Variants in ENAH observed in about 807,000 individuals in gnomAD.
The protein encoded by ENAH is ENAH actin regulator.
In ENAH, 23 loss-of-function variants were observed where a neutral mutation model predicts 78.7. The ratio of observed to expected loss-of-function variants is 0.29; its 90% CI spans 0.21 to 0.41. The LOEUF (loss-of-function observed/expected upper bound fraction) is 0.41. ENAH is among the 10% of genes least tolerant of loss of function. ENAH has a pLI of 1.00. For synonymous variants in ENAH, 226 were observed against 241.0 expected, an observed-to-expected ratio of 0.94 and a Z score of 0.58; for missense variants, 544 against 691.0, an observed-to-expected ratio of 0.79 and a Z score of 2.39.
At chr1:225,548,171 T>C (rs1396761672) in intron 3 of ENAH, among the ~76,000 whole-genome samples, 1 of 152,072 alleles carries the variant, frequency 6.6e-6, no homozygotes, top group Admixed American at 6.6e-5. Context: ...CCTACTTTTT[T>C]TTTTTCCTCT....
chr1:225,605,594 T>A (rs930597135), intron 1 of ENAH, among the ~76,000 whole-genome samples: 7 of 152,118 alleles, frequency 4.6e-5, no homozygotes, highest in Admixed American at 1.3e-4. Flanking sequence ...TTTAAATGCA[T>A]GAGATAATAA....
chr1:225,652,363 A>G (rs1663176901), intron 1 of ENAH: 1 of 985,166 alleles, frequency 1.0e-6, no homozygotes, highest in Non-Finnish European at 1.2e-6. Context: ...ACCCCTCCCC[A>G]TCTCCCGGGT....
At chr1:225,649,462 A>T (rs1662570229) in intron 1 of ENAH, among the ~76,000 whole-genome samples, 1 of 152,154 alleles carries the variant, frequency 6.6e-6, no homozygotes, top group African/African-American at 2.4e-5. Flanking sequence ...AAAGGCACAC[A>T]CTGTATGTAC....
intron 11 of ENAH, chr1:225,504,844 G>T: frequency 2.1e-6 from 1 of 474,980 alleles, no homozygotes; most frequent in Non-Finnish European, 3.8e-6. Flanking sequence ...CAACTGTGAA[G>T]TGATGGCAGA....
chr1:225,615,297 G>A lies in ENAH; in HGVS notation c.5+37389C>T, dbSNP rs528002900. On this transcript the variant is annotated intron_variant, in intron 1 of 13. Coordinates refer to ENST00000366843, the MANE Select transcript of ENAH (RefSeq NM_018212.6). ...TGACCGCGAGTGATCTGCCTGCCTC[G>A]GCCTCCCGAGGTGCCGGGATTGCAG... Among the ~76,000 whole-genome samples, 76 of 152,294 alleles carry A rather than the reference G, an allele frequency of 5.0e-4. 2 individuals carry two copies. In the South Asian group the frequency reaches 0.015, roughly 31 times the overall value.
At chr1:225,556,415 G>T (rs1013718948) in intron 2 of ENAH, among the ~76,000 whole-genome samples, 35 of 152,260 alleles carry the variant, frequency 2.3e-4, no homozygotes, top group African/African-American at 8.2e-4. Context: ...TGGTGGGTAT[G>T]AATGCTTTAT....
intron 1 of ENAH, among the ~76,000 whole-genome samples, chr1:225,586,406 G>A (rs2096847189): frequency 6.6e-6 from 1 of 152,040 alleles, no homozygotes; most frequent in African/African-American, 2.4e-5. Context: ...CTAGTGAATT[G>A]TGTCAAATAG....
At position 225,526,330 on chromosome 1, in the gene ENAH, C is replaced by T. The variant is rs529449018; in HGVS notation, c.434+4224G>A. Among the ~76,000 whole-genome samples the T allele has an allele frequency of 3.1e-3, 462 of 151,094 alleles. 2 individuals carry two copies. The highest frequency in any genetic ancestry group is 0.01 in the African/African-American group (425 of 41,080). ...TCAAAACTTCTATTTCTTTCTTTCT[C>T]TCTCTCTCTTTTTTTTTTTTTTCTT... On this transcript the variant is annotated intron_variant, in intron 4 of 13. Transcript: ENST00000366843.
chr1:225,581,963 T>C (rs927437005), intron 1 of ENAH, among the ~76,000 whole-genome samples: 5 of 151,946 alleles, frequency 3.3e-5, no homozygotes, highest in Non-Finnish European at 7.4e-5. Flanking sequence ...ATAAAATTTA[T>C]AGAACAACTA....
chr1:225,492,278 G>A lies in ENAH; in HGVS notation c.*5497C>T, dbSNP rs925017182. 3 of 151,972 alleles carry A rather than the reference G, an allele frequency of 2.0e-5. No individual in the cohort carries two copies. The highest frequency in any genetic ancestry group is 7.3e-5 in the African/African-American group (3 of 41,348). 9.4% of individuals were successfully genotyped at this position (151,972 alleles called of 1,614,324 possible). A position where few individuals can be genotyped will look rare whatever the true frequency, so the allele number is the denominator to read the frequency against. The stretch of plus-strand genomic sequence containing the variant: ...AATTTTTAAATTTTTTTGTAGAAAT[G>A]AGTCTCCCTGTTACCCAGGCTGATC... On this transcript the variant is annotated 3_prime_UTR_variant, in exon 14 of 14. Coordinates refer to ENST00000366843, the MANE Select transcript of ENAH (RefSeq NM_018212.6).
chr1:225,553,446 C>T (rs1369034681), intron 3 of ENAH, among the ~76,000 whole-genome samples: 3 of 152,022 alleles, frequency 2.0e-5, no homozygotes, highest in Non-Finnish European at 4.4e-5. Context: ...AACGGATACA[C>T]TTTTGAAAGT....
intron 1 of ENAH, among the ~76,000 whole-genome samples, chr1:225,647,779 G>A (rs772695226): frequency 2.0e-5 from 3 of 152,078 alleles, no homozygotes; most frequent in South Asian, 2.1e-4. Context: ...AAAGAGCAAC[G>A]CAGTCAAAGT....
intron 1 of ENAH, among the ~76,000 whole-genome samples, chr1:225,577,094 G>A (rs1357548106): frequency 1.3e-5 from 2 of 152,116 alleles, no homozygotes; most frequent in African/African-American, 4.8e-5. Context: ...TCCAACCTGG[G>A]TGACAGAGTT....
chr1:225,630,304 A>G (rs1575792777), intron 1 of ENAH, among the ~76,000 whole-genome samples: 1 of 152,268 alleles, frequency 6.6e-6, no homozygotes, highest in African/African-American at 2.4e-5. Flanking sequence ...AGAGGGTAAC[A>G]TAGCATAATA....
intron 2 of ENAH, among the ~76,000 whole-genome samples, chr1:225,560,490 A>G (rs899011541): frequency 3.9e-5 from 6 of 152,108 alleles, no homozygotes; most frequent in African/African-American, 1.4e-4. Context: ...GACAAAAAAA[A>G]AAAAAGATTA....
intron 2 of ENAH, among the ~76,000 whole-genome samples, chr1:225,558,400 A>C (rs1045971670): frequency 2.8e-4 from 42 of 152,280 alleles, no homozygotes; most frequent in African/African-American, 9.9e-4. Context: ...TAATTTCTTT[A>C]AAGTGTTTTC....
intron 1 of ENAH, among the ~76,000 whole-genome samples, chr1:225,600,335 T>C (rs536496552): frequency 6.6e-6 from 1 of 152,136 alleles, no homozygotes; most frequent in South Asian, 2.1e-4. Context: ...GCCATTGCAC[T>C]CCAGCCTGGG....
At chr1:225,536,865 T>C (rs1042018183) in intron 3 of ENAH, among the ~76,000 whole-genome samples, 1 of 152,000 alleles carries the variant, frequency 6.6e-6, no homozygotes, top group Non-Finnish European at 1.5e-5. Flanking sequence ...TCTATTAAAG[T>C]TGCATGCACA....
intron 11 of ENAH, among the ~76,000 whole-genome samples, chr1:225,502,103 TAA>T (rs941127386): frequency 1.3e-5 from 2 of 152,174 alleles, no homozygotes. Flanking sequence ...AAAGGCATAA[TAA>T]ATTTTTCAAA....
Sources: allele counts gnomAD v4.1 joint callset (sites outside exome capture counted in the v4.1 genomes callset), GRCh38; gene constraint gnomAD v4.1.1; transcripts MANE v1.5; gene names NCBI Gene and HGNC (gene_info 2026-07-23, HGNC 2026-07-21).